The following AMPD3 variants were observed in gnomAD, a reference collection of about 807,000 sequenced individuals.
AMPD3 encodes the protein adenosine monophosphate deaminase 3.
AMPD3 carries 57 observed loss-of-function variants against 82.3 expected under a neutral mutation model. The observed-to-expected ratio is 0.69, with a 90% CI of 0.56 to 0.86. The LOEUF is 0.86. AMPD3 is among the 40% of genes least tolerant of loss of function. The pLI is 0.00. For missense variants in AMPD3, 870 were observed against 1,003.8 expected, an observed-to-expected ratio of 0.87 and a Z score of 1.80; for synonymous variants, 381 against 394.7, an observed-to-expected ratio of 0.97 and a Z score of 0.41.
chr11:10,455,624 C>T (rs1848070420), intron 1 of AMPD3, among the ~76,000 whole-genome samples, 176 bp downstream of exon 1: 1 of 152,196 alleles, frequency 6.6e-6, no homozygotes, highest in African/African-American at 2.4e-5. Context: ...GTCAGCTTTT[C>T]ATCCTAGCCT....
intron 6 of AMPD3, among the ~76,000 whole-genome samples, chr11:10,489,799 G>A (rs1306702396): frequency 6.6e-6 from 1 of 152,010 alleles, no homozygotes; most frequent in East Asian, 1.9e-4. Flanking sequence ...TCCTGCCTCA[G>A]CCTCCCGAGT....
chr11:10,454,477 G>T (rs116470766), upstream of AMPD3, among the ~76,000 whole-genome samples: 9 of 152,226 alleles, frequency 5.9e-5, no homozygotes, highest in African/African-American at 2.2e-4. Context: ...TAAGTGCGTC[G>T]GGTTAAACAA....
intron 10 of AMPD3, chr11:10,499,730 T>C (rs2133937062): frequency 1.0e-6 from 1 of 985,098 alleles, no homozygotes; most frequent in East Asian, 1.1e-4. Context: ...TGGCCACTCC[T>C]CCCTGCAGGC....
intron 4 of AMPD3, 80 bp from the exon 5 acceptor site, chr11:10,484,740 C>T (rs533870116): frequency 3.0e-5 from 46 of 1,537,702 alleles, no homozygotes; most frequent in Non-Finnish European, 3.7e-5. Context: ...GGAAGGCCAG[C>T]GCAGGCCTCC....
intron 11 of AMPD3, chr11:10,500,932 G>A: frequency 1.0e-6 from 1 of 985,386 alleles, no homozygotes; most frequent in Non-Finnish European, 1.2e-6. Context: ...GCCTAAACTG[G>A]TGCTAGTTGG....
intron 2 of AMPD3, chr11:10,478,133 C>G (rs1266568849): frequency 2.0e-6 from 2 of 985,318 alleles, no homozygotes; most frequent in Non-Finnish European, 1.2e-6. Flanking sequence ...TTATCTGAAG[C>G]CAGCATGCTG....
intron 10 of AMPD3, among the ~76,000 whole-genome samples, chr11:10,498,138 A>G (rs534388930): frequency 2.3e-4 from 35 of 152,352 alleles, no homozygotes; most frequent in Non-Finnish European, 4.1e-4. Context: ...GAGAATAGTA[A>G]GGTGCACAGC....
In AMPD3 at chr11:10,505,966, G is replaced by C; in HGVS notation, c.*82G>C. 1.3e-6 allele frequency: 2 copies of C among 1,537,562 alleles called. No individual in the cohort carries two copies. The highest frequency in any genetic ancestry group is 4.5e-5 in the East Asian group (2 of 44,466). On this transcript the variant is annotated 3_prime_UTR_variant, in exon 15 of 15. Coordinates refer to ENST00000396553, the MANE Select transcript of AMPD3 (RefSeq NM_001025389.2). ...TAATAGTGGTCAAGATTCCGAACTA[G>C]GACTTTCCTCTGTGAAGAGGATGCC...
At chr11:10,487,189 G>C in intron 5 of AMPD3, 46 bp from the exon 6 acceptor site, 1 of 1,612,578 alleles carries the variant, frequency 6.2e-7, no homozygotes, top group African/African-American at 1.3e-5. Flanking sequence ...AAACTGGAGA[G>C]CTCGATGCGA....
At chr11:10,473,869 G>C (rs1848663175) in intron 2 of AMPD3, among the ~76,000 whole-genome samples, 1 of 152,204 alleles carries the variant, frequency 6.6e-6, no homozygotes, top group Non-Finnish European at 1.5e-5. Context: ...ATGGCATTCA[G>C]ATTCCCAGTG....
intron 10 of AMPD3, chr11:10,499,606 G>A: frequency 2.1e-6 from 2 of 970,756 alleles, no homozygotes; most frequent in Non-Finnish European, 2.4e-6. Flanking sequence ...CTCCCTCCTG[G>A]GTTGCTCTGA....
rs530595294 is a variant in AMPD3, at chr11:10,502,621, G to A, written c.1843-100G>A. 21 of 1,591,254 alleles carry A rather than the reference G, an allele frequency of 1.3e-5. No homozygotes were observed. The African/African-American group carries it at 1.5e-4, about 11-fold the overall frequency. ...TTGGGCAGACATGGTTCAGACCCCT[G>A]GTTTCCACTGGTGAATGCTTCTTCC... is the stretch of plus-strand genomic sequence containing the variant. On this transcript the variant is annotated intron_variant, in intron 12 of 14. Coordinates refer to ENST00000396553, the MANE Select transcript of AMPD3 (RefSeq NM_001025389.2).
rs746683201 is a variant in AMPD3 at position 10,500,255 on chromosome 11, T to G, written c.1721+6T>G. ...GTGCTCAACAACCTCCGCAGGTGCG[T>G]GAGGCCTGCCCTCGCACATGCTTGG... is the stretch of plus-strand genomic sequence containing the variant. On this transcript the variant is annotated splice_donor_region_variant and intron_variant, in intron 11 of 14. Coordinates refer to ENST00000396553, the MANE Select transcript of AMPD3 (RefSeq NM_001025389.2). 1.9e-6 allele frequency: 3 copies of G among 1,614,142 alleles called. No individual in the cohort carries two copies. The highest frequency in any genetic ancestry group is 2.5e-6 in the Non-Finnish European group (3 of 1,179,970).
At chr11:10,468,429 A>T (rs923819606) in intron 2 of AMPD3, among the ~76,000 whole-genome samples, 7 of 152,212 alleles carry the variant, frequency 4.6e-5, no homozygotes. Context: ...AAGGAAGGGC[A>T]TTACATAATG....
Position 10,478,556 on chromosome 11 carries a change from G to A in AMPD3, c.252G>A (p.Gln84=), listed in dbSNP as rs1848808107. The part of the protein sequence containing the change: ...RKKSFKMIRS[Q]SLSLQMPPQQ... ...AAAGTTTCAAGATGATTCGGTCCCAGTCCCTGTCTCTGCAAATGCCGCCAC... is the reference window on the plus strand; with the variant it reads ...AAAGTTTCAAGATGATTCGGTCCCAATCCCTGTCTCTGCAAATGCCGCCAC... The change falls in exon 3 of 15, where the codon CAG becomes CAA. Residue 84 remains glutamine (Q), a synonymous_variant. Transcript: ENST00000396553. 3 of 1,614,184 alleles carry A rather than the reference G, an allele frequency of 1.9e-6. No homozygotes were observed. The highest frequency in any genetic ancestry group is 2.5e-6 in the Non-Finnish European group (3 of 1,180,034).
At chr11:10,451,935 C>T (rs772739408), upstream of AMPD3, among the ~76,000 whole-genome samples, 2 of 152,198 alleles carry the variant, frequency 1.3e-5, no homozygotes, top group Admixed American at 6.5e-5. Flanking sequence ...TCACTTCACA[C>T]CTCTAGGAGT....
At chr11:10,466,263 A>T (rs1343749699) in intron 2 of AMPD3, among the ~76,000 whole-genome samples, 7 of 152,060 alleles carry the variant, frequency 4.6e-5, no homozygotes, top group Admixed American at 1.3e-4. Context: ...CTCCGTCTCA[A>T]AGAAAAAAAA....
In AMPD3 at chr11:10,495,015, T is replaced by G; in HGVS notation, c.1251T>G (p.Phe417Leu). 1 of 1,614,210 alleles carries G rather than the reference T, an allele frequency of 6.2e-7. No homozygotes were observed. The highest frequency in any genetic ancestry group is 8.5e-7 in the Non-Finnish European group (1 of 1,180,034). Residue 417 changes from phenylalanine (F) to leucine (L), a missense_variant, in exon 8 of 15, where the codon TTT (phenylalanine) becomes TTG (leucine). Phe to Leu is a conservative substitution (Grantham distance 22, BLOSUM62 0). Coordinates refer to ENST00000396553, the MANE Select transcript of AMPD3 (RefSeq NM_001025389.2). The stretch of plus-strand genomic sequence containing the variant: ...AAAACTATCTGGGAGGAGAGTACTT[T>G]GCTCGGATGGTCAAGGTGAGTGAAC... ...KTENYLGGEY[F>L]ARMVKEVARE...
rs564377787 is a variant in AMPD3, at chr11:10,482,316, T to C, written c.589+91T>C. On this transcript the variant is annotated intron_variant, in intron 4 of 14. Transcript: ENST00000396553. ...TTCTGGCTCGGTCTATTTCCCCTGA[T>C]AGTATTTTAAAATGACAATGTTCTT... The C allele has an allele frequency of 1.5e-5, 21 of 1,432,320 alleles. No homozygotes were observed. In the African/African-American group the frequency reaches 2.7e-4, roughly 18 times the overall value. 88.7% of individuals were successfully genotyped at this position (1,432,320 alleles called of 1,614,324 possible).
Sources: allele counts gnomAD v4.1 joint callset (sites outside exome capture counted in the v4.1 genomes callset), GRCh38; gene constraint gnomAD v4.1.1; transcripts MANE v1.5; gene names NCBI Gene and HGNC (gene_info 2026-07-23, HGNC 2026-07-21).